Variants in DLGAP2 observed in about 807,000 individuals in gnomAD.
DLGAP2 encodes disks large-associated protein 2.
A neutral mutation model predicts 100.3 loss-of-function variants in DLGAP2; 26 were observed. The ratio of observed to expected loss-of-function variants is 0.26; its 90% confidence interval spans 0.19 to 0.36. The LOEUF is 0.36. Ranked by LOEUF, DLGAP2 falls within the 10% of genes least tolerant of loss-of-function variation. The pLI is 1.00. For synonymous variants in DLGAP2, 886 were observed against 630.1 expected (o/e 1.41, Z -6.08); for missense variants, 1,858 against 1,453.2 (o/e 1.28, Z -4.53).
chr8:1,424,522 C>T (rs1364058623), intron 3 of DLGAP2, among the ~76,000 whole-genome samples: 4 of 152,256 alleles, frequency 2.6e-5, no homozygotes, highest in Non-Finnish European at 4.4e-5. Context: ...CATCCTACGA[C>T]TTGGGTGAAC....
intron 3 of DLGAP2, among the ~76,000 whole-genome samples, chr8:1,452,563 G>A (rs771363456): frequency 5.9e-5 from 9 of 152,230 alleles, no homozygotes; most frequent in Non-Finnish European, 1.0e-4. Flanking sequence ...CCAGTGGCCC[G>A]GCTTAAATTG....
intron 4 of DLGAP2, among the ~76,000 whole-genome samples, chr8:1,506,616 G>A (rs762488560): frequency 1.3e-5 from 2 of 152,228 alleles, no homozygotes; most frequent in Non-Finnish European, 1.5e-5. Flanking sequence ...CAGGTTGCCA[G>A]TGCCGGCTCA....
intron 3 of DLGAP2, among the ~76,000 whole-genome samples, chr8:1,297,762 C>T (rs551758921): frequency 4.2e-4 from 43 of 102,228 alleles, no homozygotes; most frequent in Admixed American, 9.6e-4. Context: ...GGAGGAGAAA[C>T]GTGGCAGGCG....
chr8:1,561,098 A>G (rs1802142508), intron 5 of DLGAP2, among the ~76,000 whole-genome samples: 1 of 152,018 alleles, frequency 6.6e-6, no homozygotes, highest in Non-Finnish European at 1.5e-5. Context: ...AAGTCTTATG[A>G]GATCTGATGG....
chr8:1,264,060 G>A (rs138205691), intron 3 of DLGAP2, among the ~76,000 whole-genome samples: 125 of 152,246 alleles, frequency 8.2e-4, no homozygotes, highest in Non-Finnish European at 1.5e-3. Flanking sequence ...TCTTAGTCTA[G>A]ATGGAAGACT....
At chr8:1,057,692 T>C (rs1033732717) in intron 2 of DLGAP2, among the ~76,000 whole-genome samples, 6 of 152,246 alleles carry the variant, frequency 3.9e-5, no homozygotes, top group Middle Eastern at 3.2e-3. Context: ...ATTAGATTTG[T>C]TTGCGAACAG....
At chr8:1,267,421 C>A (rs1391451130) in intron 3 of DLGAP2, among the ~76,000 whole-genome samples, 1 of 150,018 alleles carries the variant, frequency 6.7e-6, no homozygotes, top group Admixed American at 6.6e-5. Context: ...CAAAAATTAG[C>A]CAGGTGTGGC....
intron 3 of DLGAP2, among the ~76,000 whole-genome samples, chr8:1,389,942 G>C (rs1006463555): frequency 6.6e-6 from 1 of 152,016 alleles, no homozygotes; most frequent in East Asian, 1.9e-4. Flanking sequence ...ACCCAGCTCC[G>C]GCACAGACAG....
At chr8:1,120,129 G>T (rs1049748369) in intron 2 of DLGAP2, among the ~76,000 whole-genome samples, 4 of 152,132 alleles carry the variant, frequency 2.6e-5, no homozygotes, top group East Asian at 3.9e-4. Context: ...TTTCACCACC[G>T]TTGGGTCTGT....
At chr8:1,623,442 A>T (rs1404645940) in intron 6 of DLGAP2, among the ~76,000 whole-genome samples, 1 of 132,204 alleles carries the variant, frequency 7.6e-6, no homozygotes, top group African/African-American at 2.9e-5. Flanking sequence ...ACACCAGTGC[A>T]TCATGACCTG....
At chr8:1,255,073 C>T (rs112839379) in intron 2 of DLGAP2, among the ~76,000 whole-genome samples, 2,707 of 106,046 alleles carry the variant, frequency 0.026, 217 homozygotes, top group African/African-American at 0.1. Context: ...CCTGCCCGGC[C>T]GCTGTGTGTG....
intron 2 of DLGAP2, among the ~76,000 whole-genome samples, chr8:1,171,342 A>G (rs1350297350): frequency 1.3e-5 from 2 of 152,198 alleles, no homozygotes; most frequent in African/African-American, 4.8e-5. Flanking sequence ...TTTGGTGCTG[A>G]AAAAAATGTA....
intron 1 of DLGAP2, among the ~76,000 whole-genome samples, chr8:771,000 A>G (rs1321438525): frequency 6.6e-6 from 1 of 151,842 alleles, no homozygotes; most frequent in Non-Finnish European, 1.5e-5. Context: ...AGATGTTTTT[A>G]TGATGATTTT....
intron 2 of DLGAP2, chr8:1,137,332 G>A (rs1028391941): frequency 1.3e-5 from 2 of 152,638 alleles, no homozygotes; most frequent in African/African-American, 4.8e-5. Flanking sequence ...TTGGACTGGT[G>A]CACCAAATAT....
At chr8:1,137,697 T>A (rs1447427266) in intron 2 of DLGAP2, 1 of 152,234 alleles carries the variant, frequency 6.6e-6, no homozygotes, top group Non-Finnish European at 1.5e-5. Flanking sequence ...ACAGCCTTGC[T>A]CTTTCTACTA....
intron 2 of DLGAP2, among the ~76,000 whole-genome samples, chr8:1,239,552 G>T (rs62487804): frequency 1.2e-5 from 1 of 81,680 alleles, no homozygotes; most frequent in Non-Finnish European, 2.2e-5. Flanking sequence ...CTCACATGGC[G>T]CCGTGTCTGG....
At chr8:1,303,402 CAAAAAAAAAA>C (rs374350701) in intron 3 of DLGAP2, among the ~76,000 whole-genome samples, 41 of 125,350 alleles carry the variant, frequency 3.3e-4, no homozygotes, top group Admixed American at 2.3e-3. Context: ...GTCTCAAAAA[CAAAAAAAAAA>C]AAAAAAAAAA....
intron 8 of DLGAP2, among the ~76,000 whole-genome samples, chr8:1,646,895 A>G (rs568467649): frequency 6.6e-6 from 1 of 152,338 alleles, no homozygotes; most frequent in African/African-American, 2.4e-5. Context: ...CCTTCTTCTA[A>G]TCAGCGTCTG....
At chr8:1,141,424 C>T (rs1014234202) in intron 2 of DLGAP2, among the ~76,000 whole-genome samples, 2 of 152,068 alleles carry the variant, frequency 1.3e-5, no homozygotes, top group South Asian at 2.1e-4. Flanking sequence ...CTCACGGGCA[C>T]GTGAATCAGA....
Sources: gnomAD v4.1 joint callset for allele counts (sites outside exome capture counted in the v4.1 genomes callset) on GRCh38, gnomAD v4.1.1 for gene constraint, MANE v1.5 for transcripts, NCBI Gene and HGNC (gene_info 2026-07-23, HGNC 2026-07-21) for gene names.